Variants in SIPA1L1 observed in about 807,000 individuals in gnomAD.
The protein encoded by SIPA1L1 is signal induced proliferation associated 1 like 1, also known as signal-induced proliferation-associated 1-like protein 1.
A neutral mutation model predicts 162.7 loss-of-function variants in SIPA1L1; 26 were observed. The observed-to-expected ratio is 0.16, with a 90% CI of 0.12 to 0.22. The LOEUF (loss-of-function observed/expected upper bound fraction) is 0.22. SIPA1L1 is among the 10% of genes least tolerant of loss of function. The probability of loss-of-function intolerance (pLI) is 1.00; values close to 1 mark genes in which losing one functional copy is unlikely to be tolerated. For synonymous variants in SIPA1L1, 829 were observed against 837.4 expected (o/e 0.99, Z 0.17); for missense variants, 1,874 against 2,241.0 (o/e 0.84, Z 3.31).
At chr14:71,481,783 G>A (rs540019086) in intron 2 of SIPA1L1, among the ~76,000 whole-genome samples, 1 of 152,224 alleles carries the variant, frequency 6.6e-6, no homozygotes, top group South Asian at 2.1e-4. Flanking sequence ...ATCCACCCCC[G>A]GAGGCCATGT....
chr14:71,638,428 A>G (rs2041379830), intron 7 of SIPA1L1, among the ~76,000 whole-genome samples: 1 of 152,260 alleles, frequency 6.6e-6, no homozygotes, highest in Non-Finnish European at 1.5e-5. Flanking sequence ...AACAGACTAA[A>G]GAAGAAAAAT....
chr14:71,482,254 C>CCTTT (rs2048408014), intron 2 of SIPA1L1, among the ~76,000 whole-genome samples: 1 of 152,134 alleles, frequency 6.6e-6, no homozygotes, highest in African/African-American at 2.4e-5. Context: ...GGCTGTAGAG[C>CCTTT]CTTTGCTCTT....
intron 5 of SIPA1L1, among the ~76,000 whole-genome samples, chr14:71,595,725 G>T (rs2035954170): frequency 6.6e-6 from 1 of 152,138 alleles, no homozygotes. Flanking sequence ...TAACCCATGT[G>T]CAGAGAGATT....
intron 2 of SIPA1L1, among the ~76,000 whole-genome samples, chr14:71,451,691 T>G (rs1037328683): frequency 2.0e-5 from 3 of 147,604 alleles, no homozygotes; most frequent in Non-Finnish European, 4.5e-5. Context: ...CTAAAGTTAA[T>G]GACTGTGTAC....
At chr14:71,341,864 C>T (rs978310314) in intron 2 of SIPA1L1, among the ~76,000 whole-genome samples, 5 of 152,088 alleles carry the variant, frequency 3.3e-5, no homozygotes, top group Non-Finnish European at 7.4e-5. Context: ...GCATAGTGTT[C>T]TGTGGTGTAT....
In SIPA1L1 at chr14:71,705,297, G is replaced by A. The variant is rs762653727; in HGVS notation, c.3722G>A (p.Arg1241Gln). 19 of 1,614,070 alleles carry A rather than the reference G, an allele frequency of 1.2e-5. No homozygotes were observed. Among genetic ancestry groups the A allele is most frequent in the Admixed American group, 3.3e-5 (2 of 60,022 alleles). Reference protein sequence around the residue: ...FRESPSGRLMRQDPVVHLSPN... With the variant: ...FRESPSGRLMQQDPVVHLSPN... ...GAGAGCCCCAGTGGGAGATTAATGC[G>A]GCAGGATCCAGTGGTTCATTTGTCT... is the stretch of plus-strand genomic sequence containing the variant. The change falls in exon 16 of 24, where the codon CGG becomes CAG. Residue 1241 changes from arginine (R) to glutamine (Q), a missense_variant. By Grantham distance (43) the Arg-to-Gln change is conservative. Transcript: ENST00000381232.
chr14:71,698,711 C>T (rs1470471223), intron 13 of SIPA1L1, among the ~76,000 whole-genome samples: 1 of 152,196 alleles, frequency 6.6e-6, no homozygotes, highest in East Asian at 1.9e-4. Flanking sequence ...TGAATTCTGG[C>T]AGCTTTTGGA....
chr14:71,379,304 T>TC (rs2039683221), intron 2 of SIPA1L1, among the ~76,000 whole-genome samples: 2 of 151,598 alleles, frequency 1.3e-5, no homozygotes, highest in Admixed American at 6.6e-5. Context: ...TTTCTTTCTT[T>TC]TTTTTTTTTT....
chr14:71,338,263 A>C (rs2035298316), intron 2 of SIPA1L1, among the ~76,000 whole-genome samples: 1 of 152,242 alleles, frequency 6.6e-6, no homozygotes, highest in Non-Finnish European at 1.5e-5. Context: ...AGCCTGGAGA[A>C]AACTCAGAGG....
intron 17 of SIPA1L1, among the ~76,000 whole-genome samples, chr14:71,716,178 A>G (rs996793512): frequency 1.3e-5 from 2 of 152,182 alleles, no homozygotes; most frequent in Admixed American, 6.5e-5. Context: ...AGTGTCTTCT[A>G]AATTGTGTTC....
intron 4 of SIPA1L1, among the ~76,000 whole-genome samples, chr14:71,531,685 C>A (rs539293022): frequency 6.6e-6 from 1 of 152,274 alleles, no homozygotes; most frequent in African/African-American, 2.4e-5. Flanking sequence ...CCACCTCAGC[C>A]TCCCAATTAG....
At chr14:71,732,753 T>C (rs2084917291) in intron 20 of SIPA1L1, among the ~76,000 whole-genome samples, 1 of 152,166 alleles carries the variant, frequency 6.6e-6, no homozygotes, top group African/African-American at 2.4e-5. Flanking sequence ...AAAATCACCT[T>C]CCTGTCTTAG....
Position 71,417,469 on chromosome 14 carries a change from C to CAAAAAAAAAAAAA in SIPA1L1, c.-464-95252_-464-95240dup, listed in dbSNP as rs58628136. 1.4e-3 allele frequency among the ~76,000 whole-genome samples: 24 copies of CAAAAAAAAAAAAA among 17,764 alleles called. 5 individuals are homozygous for CAAAAAAAAAAAAA. Among genetic ancestry groups the CAAAAAAAAAAAAA allele is most frequent in the Non-Finnish European group, 2.2e-3 (21 of 9,736 alleles). 11.7% of individuals were successfully genotyped at this position (17,764 alleles called of 152,430 possible). ...CCTGGGCGACAGCGAGACTCCGTCTCAAAAAAAAAAAAAAAAAAAAAAAAA... is the reference window on the plus strand; with the variant it reads ...CCTGGGCGACAGCGAGACTCCGTCTCAAAAAAAAAAAAAAAAAAAAAAAAAAAAAAAAAAAAAA... On this transcript the variant is annotated intron_variant, in intron 2 of 23. Transcript: ENST00000381232.
intron 13 of SIPA1L1, among the ~76,000 whole-genome samples, chr14:71,688,093 A>G (rs1290040669): frequency 1.3e-5 from 2 of 152,208 alleles, no homozygotes; most frequent in Admixed American, 1.3e-4. Context: ...GAAAATTTAA[A>G]GTTCAGTTTC....
chr14:71,427,223 T>A (rs540719766), intron 2 of SIPA1L1, among the ~76,000 whole-genome samples: 1 of 151,970 alleles, frequency 6.6e-6, no homozygotes, highest in South Asian at 2.1e-4. Flanking sequence ...CTAATGGTAG[T>A]CAACTTTCTC....
chr14:71,424,006 C>T (rs555855636), intron 2 of SIPA1L1, among the ~76,000 whole-genome samples: 2 of 151,858 alleles, frequency 1.3e-5, no homozygotes, highest in African/African-American at 4.8e-5. Flanking sequence ...TTGTACAAGT[C>T]TTTCACTTCC....
chr14:71,630,618 A>C (rs991744801), intron 7 of SIPA1L1, among the ~76,000 whole-genome samples: 1 of 152,182 alleles, frequency 6.6e-6, no homozygotes, highest in African/African-American at 2.4e-5. Context: ...TCTTTCCTAT[A>C]GGATTTATCT....
chr14:71,539,374 G>A (rs902422970), intron 4 of SIPA1L1, among the ~76,000 whole-genome samples: 1 of 152,152 alleles, frequency 6.6e-6, no homozygotes, highest in African/African-American at 2.4e-5. Flanking sequence ...TGACAATACT[G>A]TTTCCAGAGA....
At chr14:71,388,770 A>G (rs2040533738) in intron 2 of SIPA1L1, among the ~76,000 whole-genome samples, 1 of 152,128 alleles carries the variant, frequency 6.6e-6, no homozygotes, top group Non-Finnish European at 1.5e-5. Context: ...GAGCTTTAGG[A>G]TCTTAAAGCT....
Sources: gnomAD v4.1 joint callset for allele counts (sites outside exome capture counted in the v4.1 genomes callset) on GRCh38, gnomAD v4.1.1 for gene constraint, MANE v1.5 for transcripts, NCBI Gene and HGNC (gene_info 2026-07-23, HGNC 2026-07-21) for gene names.